Variants in HSD17B4 observed in about 807,000 individuals in gnomAD.
HSD17B4 encodes hydroxysteroid 17-beta dehydrogenase 4.
HSD17B4 carries 70 observed loss-of-function variants against 101.0 expected under a neutral mutation model. That is an observed-to-expected ratio of 0.69 (90% CI 0.57 to 0.85). The LOEUF is 0.85. Among genes scored for constraint, HSD17B4 ranks in the 40% least tolerant of loss-of-function variants. HSD17B4 has a pLI of 0.00. For missense variants in HSD17B4, 984 were observed against 892.4 expected (o/e 1.10, Z -1.31); for synonymous variants, 347 against 297.1 (o/e 1.17, Z -1.73).
intron 2 of HSD17B4, among the ~76,000 whole-genome samples, chr5:119,469,554 C>T (rs1027870183): frequency 2.6e-5 from 4 of 152,220 alleles, no homozygotes; most frequent in African/African-American, 4.8e-5. Flanking sequence ...GTAGTTTCAT[C>T]ATGTTGGCCA....
At chr5:119,539,682 G>A (rs1754822357) in intron 23 of HSD17B4, among the ~76,000 whole-genome samples, 1 of 151,840 alleles carries the variant, frequency 6.6e-6, no homozygotes, top group Admixed American at 6.6e-5. Flanking sequence ...ATTTTTCCCA[G>A]TATCCAAAAA....
intron 11 of HSD17B4, among the ~76,000 whole-genome samples, chr5:119,495,039 G>T (rs188366873): frequency 0.1 from 15,450 of 148,494 alleles, 1,071 homozygotes; most frequent in African/African-American, 0.2. Flanking sequence ...TGACTATTCG[G>T]TTTTTTTTTT....
chr5:119,529,937 A>C lies in HSD17B4; in HGVS notation c.1811A>C (p.Asp604Ala), dbSNP rs749858537. The C allele has an allele frequency of 1.9e-6, 3 of 1,610,862 alleles. No homozygotes were observed. The highest frequency in any genetic ancestry group is 1.6e-4 in the Middle Eastern group (1 of 6,072). ...GDIVISNAYV[D>A]LAPTSGTSAK... ...ATTGTCATTTCAAATGCATATGTGG[A>C]TCTTGCACCAACATCTGGTACTTCA... is the stretch of plus-strand genomic sequence containing the variant. Residue 604 changes from aspartate (D) to alanine (A), a missense_variant, in exon 21 of 24, where the codon GAT (aspartate) becomes GCT (alanine). Transcript: ENST00000510025.
chr5:119,462,258 T>A (rs897785700), intron 2 of HSD17B4, among the ~76,000 whole-genome samples: 2 of 118,068 alleles, frequency 1.7e-5, no homozygotes, highest in Non-Finnish European at 3.3e-5. Context: ...ATTTTTTTTT[T>A]TTTTTTTTTT....
chr5:119,494,341 CTTTCTTTCTTTCT>C (rs1561458793), intron 11 of HSD17B4, among the ~76,000 whole-genome samples: 16 of 144,172 alleles, frequency 1.1e-4, no homozygotes, highest in Non-Finnish European at 2.3e-4. Flanking sequence ...TTCTTTCTTT[CTTTCTTTCTTTCT>C]TTCTTTCTTT....
At chr5:119,513,117 TG>T (rs927677500) in intron 16 of HSD17B4, among the ~76,000 whole-genome samples, 3 of 152,200 alleles carry the variant, frequency 2.0e-5, no homozygotes, top group Admixed American at 6.5e-5. Context: ...AGGTATTAAA[TG>T]GGTATTATTT....
At chr5:119,507,532 C>T (rs1026405767) in intron 15 of HSD17B4, among the ~76,000 whole-genome samples, 1 of 152,046 alleles carries the variant, frequency 6.6e-6, no homozygotes, top group Non-Finnish European at 1.5e-5. Flanking sequence ...GCCTGTAATC[C>T]TAGCACTTTG....
At chr5:119,504,371 T>G (rs1317230554) in intron 14 of HSD17B4, among the ~76,000 whole-genome samples, 1 of 152,206 alleles carries the variant, frequency 6.6e-6, no homozygotes, top group East Asian at 1.9e-4. Context: ...CTTTTCATGG[T>G]AGCTGTACTA....
intron 14 of HSD17B4, 81 bp downstream of exon 14, chr5:119,502,173 C>A: frequency 1.1e-6 from 1 of 926,162 alleles, no homozygotes; most frequent in Non-Finnish European, 1.8e-6. Context: ...GTGTGTTAAA[C>A]TGGTATAGAG....
At chr5:119,496,707 C>T (rs1285526814) in intron 12 of HSD17B4, 61 bp downstream of exon 12, 1 of 887,206 alleles carries the variant, frequency 1.1e-6, no homozygotes, top group Non-Finnish European at 1.9e-6. Flanking sequence ...CCCTTCTTCC[C>T]TCCCTGCTTT....
intron 8 of HSD17B4, among the ~76,000 whole-genome samples, chr5:119,482,769 T>G (rs1749258051): frequency 6.6e-6 from 1 of 152,162 alleles, no homozygotes; most frequent in Non-Finnish European, 1.5e-5. Context: ...ATTGTTATTA[T>G]ACTGGAGCCC....
At chr5:119,473,557 A>G (rs1748244996) in intron 2 of HSD17B4, among the ~76,000 whole-genome samples, 1 of 151,996 alleles carries the variant, frequency 6.6e-6, no homozygotes, top group South Asian at 2.1e-4. Context: ...TCCTGAGCTC[A>G]GGTAGTCCTC....
intron 7 of HSD17B4, among the ~76,000 whole-genome samples, chr5:119,478,446 C>T (rs1748800248): frequency 6.6e-6 from 1 of 152,088 alleles, no homozygotes; most frequent in Non-Finnish European, 1.5e-5. Flanking sequence ...TTTGAGATGG[C>T]ATTGTTTTAA....
At chr5:119,533,241 C>T (rs1254168883) in intron 22 of HSD17B4, among the ~76,000 whole-genome samples, 1 of 150,820 alleles carries the variant, frequency 6.6e-6, no homozygotes, top group African/African-American at 2.4e-5. Context: ...TATTTATATG[C>T]CAAGTTCTCT....
intron 10 of HSD17B4, chr5:119,493,253 A>G (rs1280071235): frequency 6.5e-6 from 1 of 153,544 alleles, no homozygotes; most frequent in Non-Finnish European, 1.4e-5. Context: ...AATTCTCCTT[A>G]TGCAGCAGTA....
At chr5:119,530,590 C>T (rs1050958703) in intron 21 of HSD17B4, among the ~76,000 whole-genome samples, 7 of 151,008 alleles carry the variant, frequency 4.6e-5, no homozygotes, top group African/African-American at 1.5e-4. Context: ...CGGTGCCTCA[C>T]GCCTGTAATC....
chr5:119,507,516 G>T (rs1347912072), intron 15 of HSD17B4, among the ~76,000 whole-genome samples: 1 of 152,138 alleles, frequency 6.6e-6, no homozygotes, highest in Non-Finnish European at 1.5e-5. Context: ...GGGTGCGGTG[G>T]CTCACGCCTG....
At chr5:119,482,702 A>C (rs923850408) in intron 8 of HSD17B4, among the ~76,000 whole-genome samples, 2 of 151,578 alleles carry the variant, frequency 1.3e-5, no homozygotes, top group African/African-American at 4.8e-5. Flanking sequence ...GTTGTCTTTG[A>C]GTTTCCTTAG....
At chr5:119,509,530 A>T (rs1410988993) in intron 16 of HSD17B4, 2 of 502,258 alleles carry the variant, frequency 4.0e-6, no homozygotes, top group Admixed American at 5.8e-5. Context: ...TTTTCATGAC[A>T]TTTTATTTTT....
Sources: allele counts gnomAD v4.1 joint callset (sites outside exome capture counted in the v4.1 genomes callset), GRCh38; gene constraint gnomAD v4.1.1; transcripts MANE v1.5; gene names NCBI Gene and HGNC (gene_info 2026-07-23, HGNC 2026-07-21).